The following HIVEP1 variants were observed in gnomAD, a reference collection of about 807,000 sequenced individuals.
The protein encoded by HIVEP1 is HIVEP zinc finger 1.
Under a neutral mutation model 180.0 loss-of-function variants are expected in HIVEP1, and 36 were observed. The ratio of observed to expected loss-of-function variants is 0.20; its 90% CI spans 0.15 to 0.26. The LOEUF (loss-of-function observed/expected upper bound fraction) is 0.26. Ranked by LOEUF, HIVEP1 falls within the 10% of genes least tolerant of loss-of-function variation. HIVEP1 has a pLI of 1.00. For synonymous variants in HIVEP1, 1,239 were observed against 1,239.0 expected, an observed-to-expected ratio of 1.00 and a Z score of 0.00; for missense variants, 3,143 against 3,268.7, an observed-to-expected ratio of 0.96 and a Z score of 0.94.
At chr6:12,050,280 G>A (rs1333312387) in intron 2 of HIVEP1, among the ~76,000 whole-genome samples, 1 of 152,148 alleles carries the variant, frequency 6.6e-6, no homozygotes, top group African/African-American at 2.4e-5. Flanking sequence ...CCACACATGG[G>A]CACTGTAAAA....
the HIVEP1 span, among the ~76,000 whole-genome samples, chr6:12,211,320 A>G: frequency 1.9e-5 from 2 of 103,646 alleles, 1 homozygote; most frequent in East Asian, 7.3e-4. Flanking sequence ...GAATGGCGTG[A>G]ACCCGGGAGG....
At chr6:12,042,592 T>C (rs1769845824) in intron 2 of HIVEP1, among the ~76,000 whole-genome samples, 1 of 151,806 alleles carries the variant, frequency 6.6e-6, no homozygotes, top group Non-Finnish European at 1.5e-5. Context: ...AGTGGTGCCT[T>C]TATTATACAG....
rs565507974 is a variant in HIVEP1, at chr6:12,136,619, T to C, written c.6487+727T>C. Among the ~76,000 whole-genome samples the C allele has an allele frequency of 1.7e-3, 257 of 152,360 alleles. 1 individual carries two copies. The highest frequency in any genetic ancestry group is 5.7e-3 in the African/African-American group (236 of 41,590). ...GCAGAGCCAGTGAGTGCTTAACGTG[T>C]GCTCACCAGAAGCACTTAGCGCAGT... On this transcript the variant is annotated intron_variant, in intron 7 of 8. Transcript: ENST00000379388.
intron 3 of HIVEP1, among the ~76,000 whole-genome samples, chr6:12,107,489 T>C (rs2113431557): frequency 6.6e-6 from 1 of 152,348 alleles, no homozygotes; most frequent in Middle Eastern, 3.4e-3. Context: ...TGGTGGGTTC[T>C]TGGTCTCACT....
chr6:12,166,912 T>C (rs1385521475), downstream of HIVEP1, among the ~76,000 whole-genome samples: 2 of 152,210 alleles, frequency 1.3e-5, no homozygotes, highest in Non-Finnish European at 2.9e-5. Context: ...TCATCAGAAG[T>C]ACTGGAAAAA....
intron 2 of HIVEP1, among the ~76,000 whole-genome samples, chr6:12,066,227 T>A (rs550411174): frequency 1.6e-4 from 24 of 152,334 alleles, no homozygotes; most frequent in African/African-American, 5.3e-4. Flanking sequence ...GCGTGTGTGT[T>A]AATTCTGTGT....
At chr6:12,209,018 GT>G in the HIVEP1 span, among the ~76,000 whole-genome samples, 7 of 152,058 alleles carry the variant, frequency 4.6e-5, no homozygotes, top group African/African-American at 1.7e-4. Flanking sequence ...TTCTGCACAC[GT>G]GCCATTCCCT....
intron 3 of HIVEP1, among the ~76,000 whole-genome samples, chr6:12,103,874 AGTTT>A (rs1774251567): frequency 1.3e-5 from 2 of 152,088 alleles, no homozygotes; most frequent in Admixed American, 6.5e-5. Context: ...CATTTGTGCA[AGTTT>A]GTTGTGGCAA....
At chr6:12,176,030 C>G in the HIVEP1 span, among the ~76,000 whole-genome samples, 1 of 152,072 alleles carries the variant, frequency 6.6e-6, no homozygotes, top group Non-Finnish European at 1.5e-5. Context: ...GCGAGGAGCC[C>G]GTCAGCCACT....
At position 12,121,596 on chromosome 6, in the gene HIVEP1, G is replaced by A. The variant is rs748997732; in HGVS notation, c.1801G>A (p.Val601Ile). 28 of 1,613,976 alleles carry A rather than the reference G, an allele frequency of 1.7e-5. No individual in the cohort carries two copies. The highest frequency in any genetic ancestry group is 4.0e-5 in the African/African-American group (3 of 74,874). The stretch of plus-strand genomic sequence containing the variant: ...GCAGAAGGACCTTCAGGTGACAAAC[G>A]TACAGCCACTTTCAGCCAACATGTC... ...QKQKDLQVTNVQPLSANMSQG... is the reference protein window; with the variant it reads ...QKQKDLQVTNIQPLSANMSQG... Residue 601 changes from valine (V) to isoleucine (I), a missense_variant, in exon 4 of 9, where the codon GTA becomes ATA. This residue lies in a region of HIVEP1 where 365 missense variants were observed against 344.4 expected (regional missense o/e 1.06). Transcript: ENST00000379388. This position sits in a 1 kb window ranked among gnomAD's most constrained non-coding sequence, Gnocchi z 5.3.
chr6:12,036,998 A>G (rs1769317607), intron 2 of HIVEP1, among the ~76,000 whole-genome samples: 1 of 152,186 alleles, frequency 6.6e-6, no homozygotes, highest in Non-Finnish European at 1.5e-5. Context: ...AGTTGGCCAG[A>G]TCATTTGGGT....
At chr6:12,074,970 A>G (rs562886155) in intron 2 of HIVEP1, among the ~76,000 whole-genome samples, 5 of 152,334 alleles carry the variant, frequency 3.3e-5, no homozygotes, top group African/African-American at 1.2e-4. Context: ...TTCTTCTTGT[A>G]TTAGATATCG....
At position 12,123,575 on chromosome 6, in the gene HIVEP1, C is replaced by T. The variant is rs1757843088; in HGVS notation, c.3780C>T (p.Phe1260=). The change falls in exon 4 of 9, where the codon TTC becomes TTT. Residue 1260 remains phenylalanine, a synonymous_variant. Transcript: ENST00000379388. ...ATGATCAAGAAAAGTCAGAGAAGTT[C>T]AGTTGGCCCCAGCGTAGTGAAACCT... ...QCHDQEKSEK[F]SWPQRSETLS... 6.2e-7 allele frequency: 1 copy of T among 1,613,966 alleles called. No homozygotes were observed. Among genetic ancestry groups the T allele is most frequent in the South Asian group, 1.1e-5 (1 of 91,084 alleles).
chr6:12,163,191 C>G (rs1562016912), intron 8 of HIVEP1, 92 bp from the exon 9 acceptor site: 1 of 925,666 alleles, frequency 1.1e-6, no homozygotes, highest in East Asian at 2.4e-5. Context: ...TTACTTTTAT[C>G]TCATTGTGAA....
At chr6:12,167,103 T>C (rs748858260), downstream of HIVEP1, among the ~76,000 whole-genome samples, 10 of 152,172 alleles carry the variant, frequency 6.6e-5, no homozygotes, top group Non-Finnish European at 1.2e-4. Context: ...AATGTACAAA[T>C]TTTGTTTCTC....
rs539727869 is a variant in HIVEP1 at position 12,042,236 on chromosome 6, C to T, written c.40+26568C>T. ...CTGGGACTACAGGCGCCCGCCACCGCGCCTGGCTAATTTTTTTTGTATTTT... is the reference window on the plus strand; with the variant it reads ...CTGGGACTACAGGCGCCCGCCACCGTGCCTGGCTAATTTTTTTTGTATTTT... On this transcript the variant is annotated intron_variant, in intron 2 of 8. Transcript: ENST00000379388. Among the ~76,000 whole-genome samples the T allele has an allele frequency of 4.2e-4, 63 of 150,154 alleles. No homozygotes were observed. The Middle Eastern group carries it at 0.021, about 49-fold the overall frequency.
chr6:12,084,597 G>A (rs992373018), intron 2 of HIVEP1, among the ~76,000 whole-genome samples: 1 of 152,126 alleles, frequency 6.6e-6, no homozygotes, highest in Non-Finnish European at 1.5e-5. Flanking sequence ...TAAGGTGCTT[G>A]CACTGGCATA....
intron 3 of HIVEP1, among the ~76,000 whole-genome samples, chr6:12,095,544 C>A (rs1468551477): frequency 7.7e-6 from 1 of 129,200 alleles, no homozygotes; most frequent in Non-Finnish European, 1.6e-5. Flanking sequence ...TTAGTAATTT[C>A]TCACTTAATT....
chr6:12,095,137 G>A lies in HIVEP1; in HGVS notation c.94+5900G>A, dbSNP rs900345475. ...TTTATTGCTTCTATCATTGATTTGTGCCTCTCCTCGCTTTCTTGATTAGTG... is the reference window on the plus strand; with the variant it reads ...TTTATTGCTTCTATCATTGATTTGTACCTCTCCTCGCTTTCTTGATTAGTG... On this transcript the variant is annotated intron_variant, in intron 3 of 8. Transcript: ENST00000379388. 7.9e-5 allele frequency among the ~76,000 whole-genome samples: 12 copies of A among 151,862 alleles called. 1 individual carries two copies. Among genetic ancestry groups the A allele is most frequent in the African/African-American group, 2.7e-4 (11 of 41,496 alleles).
Sources: allele counts gnomAD v4.1 joint callset (sites outside exome capture counted in the v4.1 genomes callset), GRCh38; gene constraint gnomAD v4.1.1; regional missense constraint gnomAD v4.1.1; non-coding constraint Gnocchi (gnomAD v3.1); transcripts MANE v1.5; gene names NCBI Gene and HGNC (gene_info 2026-07-23, HGNC 2026-07-21).